Variants in LUZP2 observed in about 807,000 individuals in gnomAD.
LUZP2 encodes leucine zipper protein 2.
LUZP2 carries 52 observed loss-of-function variants against 51.6 expected under a neutral mutation model. That is an observed-to-expected ratio of 1.01 (90% CI 0.81 to 1.27). The LOEUF (loss-of-function observed/expected upper bound fraction) is 1.27. Ranked by LOEUF, LUZP2 falls within the 50% of genes most tolerant of loss-of-function variation. LUZP2 has a pLI of 0.00. For synonymous variants in LUZP2, 154 were observed against 137.3 expected, an observed-to-expected ratio of 1.12 and a Z score of -0.85; for missense variants, 436 against 395.4, an observed-to-expected ratio of 1.10 and a Z score of -0.87.
chr11:25,014,837 C>T (rs1281823124), intron 9 of LUZP2, among the ~76,000 whole-genome samples: 1 of 151,838 alleles, frequency 6.6e-6, no homozygotes. Flanking sequence ...TGCCTATGTC[C>T]TGAATGGTAT....
intron 1 of LUZP2, among the ~76,000 whole-genome samples, chr11:24,602,124 A>T (rs199953256): frequency 1.7e-5 from 2 of 114,774 alleles, no homozygotes; most frequent in Admixed American, 9.4e-5. Flanking sequence ...ATATGTATAT[A>T]TGTATATGTG....
chr11:24,627,279 A>G (rs1386465537), intron 1 of LUZP2, among the ~76,000 whole-genome samples: 1 of 152,220 alleles, frequency 6.6e-6, no homozygotes, highest in African/African-American at 2.4e-5. Flanking sequence ...AGATTTGACC[A>G]TAATCAGATA....
intron 1 of LUZP2, among the ~76,000 whole-genome samples, chr11:24,667,592 G>A (rs1856260074): frequency 6.6e-6 from 1 of 152,222 alleles, no homozygotes; most frequent in South Asian, 2.1e-4. Context: ...AGAAAGCAGA[G>A]TTTGTACATT....
Position 24,497,193 on chromosome 11 carries a change from A to G in LUZP2, c.-51A>G, listed in dbSNP as rs1564952500. 6.8e-7 allele frequency: 1 copy of G among 1,476,514 alleles called. No individual in the cohort carries two copies. 91.5% of individuals were successfully genotyped at this position (1,476,514 alleles called of 1,614,324 possible). ...GGCACCAAGGAGCGACAGGATCCCG[A>G]AGAGAGAGAGAGAAGGCAGCGAGGG... On this transcript the variant is annotated 5_prime_UTR_variant, in exon 1 of 12. Transcript: ENST00000336930.
chr11:24,538,931 G>T (rs1333451786), intron 1 of LUZP2, among the ~76,000 whole-genome samples: 2 of 151,212 alleles, frequency 1.3e-5, no homozygotes, highest in Non-Finnish European at 3.0e-5. Context: ...ATTAAAGAAA[G>T]AACAATTTGA....
intron 9 of LUZP2, among the ~76,000 whole-genome samples, chr11:25,019,084 GAC>G (rs1234758556): frequency 6.6e-6 from 1 of 152,104 alleles, no homozygotes; most frequent in Non-Finnish European, 1.5e-5. Context: ...GAACTACCTT[GAC>G]ACATCACTAT....
chr11:24,578,731 G>A (rs1590202663), intron 1 of LUZP2, among the ~76,000 whole-genome samples: 2 of 151,896 alleles, frequency 1.3e-5, no homozygotes, highest in South Asian at 2.1e-4. Context: ...GCTAAATATC[G>A]GGTACTCACT....
At chr11:24,555,719 T>G (rs1202111299) in intron 1 of LUZP2, among the ~76,000 whole-genome samples, 2 of 152,214 alleles carry the variant, frequency 1.3e-5, no homozygotes, top group Non-Finnish European at 2.9e-5. Context: ...CTTATGCCTG[T>G]AATCCCAGCA....
chr11:24,827,106 CT>C (rs1850566970), intron 5 of LUZP2, among the ~76,000 whole-genome samples: 2 of 152,188 alleles, frequency 1.3e-5, no homozygotes, highest in South Asian at 4.1e-4. Flanking sequence ...GGTTTTGTTA[CT>C]TTCTAAAACC....
At chr11:24,727,486 A>C (rs1371485313) in intron 1 of LUZP2, among the ~76,000 whole-genome samples, 1 of 152,094 alleles carries the variant, frequency 6.6e-6, no homozygotes, top group Non-Finnish European at 1.5e-5. Flanking sequence ...TATTAACCCT[A>C]TATATAATAT....
intron 1 of LUZP2, among the ~76,000 whole-genome samples, chr11:24,689,419 C>G (rs533872381): frequency 6.6e-6 from 1 of 152,186 alleles, no homozygotes; most frequent in Non-Finnish European, 1.5e-5. Context: ...TATTTTGTCT[C>G]TTAGTGCGTA....
chr11:25,063,343 A>T (rs923094025), intron 10 of LUZP2, among the ~76,000 whole-genome samples: 1 of 151,566 alleles, frequency 6.6e-6, no homozygotes, highest in African/African-American at 2.4e-5. Flanking sequence ...TCTCCAGCTG[A>T]TATTGAGGGA....
At chr11:24,558,791 G>A (rs1359179590) in intron 1 of LUZP2, among the ~76,000 whole-genome samples, 1 of 152,098 alleles carries the variant, frequency 6.6e-6, no homozygotes, top group Non-Finnish European at 1.5e-5. Flanking sequence ...GACAGTGTTT[G>A]TCACTTTTGT....
chr11:24,529,136 G>A (rs1850914747), intron 1 of LUZP2, among the ~76,000 whole-genome samples: 1 of 150,860 alleles, frequency 6.6e-6, no homozygotes, highest in Admixed American at 6.6e-5. Flanking sequence ...GTGTGTATTT[G>A]TTTATTGATA....
intron 1 of LUZP2, among the ~76,000 whole-genome samples, chr11:24,631,614 G>A (rs1480129812): frequency 1.3e-5 from 2 of 151,876 alleles, no homozygotes; most frequent in Non-Finnish European, 1.5e-5. Context: ...GTATTTTATG[G>A]AGGATTTTCA....
At chr11:24,517,328 A>G (rs12574763) in intron 1 of LUZP2, among the ~76,000 whole-genome samples, 1 of 151,600 alleles carries the variant, frequency 6.6e-6, no homozygotes, top group South Asian at 2.1e-4. Context: ...TACTAAACAT[A>G]CAAAAAGATT....
intron 5 of LUZP2, among the ~76,000 whole-genome samples, chr11:24,816,352 G>A (rs1449587699): frequency 6.6e-6 from 1 of 151,694 alleles, no homozygotes; most frequent in African/African-American, 2.4e-5. Flanking sequence ...TTAGATTATA[G>A]CAATGCATGA....
intron 9 of LUZP2, among the ~76,000 whole-genome samples, chr11:24,999,151 G>T (rs117823219): frequency 0.017 from 2,527 of 152,180 alleles, 37 homozygotes; most frequent in South Asian, 0.083. Context: ...AAATTTGAAT[G>T]TCTCATGCCT....
intron 1 of LUZP2, among the ~76,000 whole-genome samples, chr11:24,668,733 G>A (rs1005240762): frequency 3.3e-5 from 5 of 152,166 alleles, no homozygotes; most frequent in East Asian, 1.9e-4. Context: ...CACGTCTCTC[G>A]CTTTCTATTA....
Sources: allele counts gnomAD v4.1 joint callset (sites outside exome capture counted in the v4.1 genomes callset), GRCh38; gene constraint gnomAD v4.1.1; transcripts MANE v1.5; gene names NCBI Gene and HGNC (gene_info 2026-07-23, HGNC 2026-07-21).